EPS15: variants seen among roughly 807,000 people sequenced by gnomAD.
The protein encoded by EPS15 is epidermal growth factor receptor substrate 15.
In EPS15, 72 loss-of-function variants were observed where a neutral mutation model predicts 113.8. The observed-to-expected ratio is 0.63, with a 90% CI of 0.52 to 0.77. EPS15 has a LOEUF of 0.77. Among genes scored for constraint, EPS15 ranks in the 30% least tolerant of loss-of-function variants. EPS15 has a pLI of 0.00. For missense variants in EPS15, 1,048 were observed against 1,045.8 expected, an observed-to-expected ratio of 1.00 and a Z score of -0.03; for synonymous variants, 344 against 363.4, an observed-to-expected ratio of 0.95 and a Z score of 0.61.
chr1:51,431,457 T>C (rs1651731579), intron 12 of EPS15, among the ~76,000 whole-genome samples: 1 of 152,052 alleles, frequency 6.6e-6, no homozygotes, highest in African/African-American at 2.4e-5. Flanking sequence ...TTTTCTTTTT[T>C]TTTTTGGAGA....
intron 16 of EPS15, 152 bp downstream of exon 16, chr1:51,405,753 T>C: frequency 4.8e-6 from 3 of 626,250 alleles, no homozygotes; most frequent in Non-Finnish European, 8.2e-6. Context: ...AAACGTACAA[T>C]TGTTTGGATT....
chr1:51,429,642 G>GTTTTTTTT, intron 12 of EPS15, among the ~76,000 whole-genome samples: 1 of 121,336 alleles, frequency 8.2e-6, no homozygotes, highest in Non-Finnish European at 1.7e-5. Context: ...TGTTGTTGTT[G>GTTTTTTTT]GTTTTTTTTT....
chr1:51,410,491 G>A (rs546182896), intron 13 of EPS15, among the ~76,000 whole-genome samples: 2 of 152,016 alleles, frequency 1.3e-5, no homozygotes, highest in Non-Finnish European at 2.9e-5. Flanking sequence ...TCTCAGTGTA[G>A]GAAAAGATTT....
rs1570049279 is a variant in EPS15, at chr1:51,355,182, G to A, written c.*1518C>T. 1 of 218,654 alleles carries A rather than the reference G, an allele frequency of 4.6e-6. No individual in the cohort carries two copies. 13.5% of individuals were successfully genotyped at this position (218,654 alleles called of 1,614,324 possible). ...GGTTTAAAGTTTGTTTTAAACTGTA[G>A]GAGTCTAATTGTGTAATGGAAAGAA... On this transcript the variant is annotated 3_prime_UTR_variant, in exon 25 of 25. Transcript: ENST00000371733.
chr1:51,381,518 G>A (rs1056630842), intron 21 of EPS15, among the ~76,000 whole-genome samples: 3 of 152,210 alleles, frequency 2.0e-5, no homozygotes, highest in East Asian at 3.9e-4. Context: ...GCTTGAACCC[G>A]GGAGGCAGAG....
At chr1:51,501,467 GGGGTTTTTTGT>G (rs947894784) in intron 1 of EPS15, among the ~76,000 whole-genome samples, 17 of 151,862 alleles carry the variant, frequency 1.1e-4, no homozygotes, top group Admixed American at 3.3e-4. Flanking sequence ...AGTTTTTTGG[GGGGTTTTTTGT>G]GGGTTTTTTG....
chr1:51,508,342 A>AAGAGAAAGAG (rs1553139587), intron 1 of EPS15, among the ~76,000 whole-genome samples: 6 of 102,828 alleles, frequency 5.8e-5, no homozygotes, highest in Non-Finnish European at 1.2e-4. Flanking sequence ...GAAAGAGAGA[A>AAGAGAAAGAG]AGAAAGAAAG....
chr1:51,413,769 G>A (rs1016591217), intron 13 of EPS15, among the ~76,000 whole-genome samples: 15 of 151,836 alleles, frequency 9.9e-5, no homozygotes, highest in African/African-American at 1.2e-4. Flanking sequence ...ATTTTTTTAA[G>A]ACAGGATCTT....
At chr1:51,511,756 T>A (rs1644625474) in intron 1 of EPS15, among the ~76,000 whole-genome samples, 1 of 152,166 alleles carries the variant, frequency 6.6e-6, no homozygotes, top group South Asian at 2.1e-4. Context: ...AACTATAAAG[T>A]ACTGTAATAT....
chr1:51,401,177 CA>C, intron 18 of EPS15: 1 of 376,164 alleles, frequency 2.7e-6, no homozygotes, highest in Non-Finnish European at 4.8e-6. Context: ...GACATTACAG[CA>C]AAAATTTTAC....
intron 1 of EPS15, chr1:51,518,337 T>G (rs2148576392): frequency 6.5e-6 from 1 of 152,770 alleles, no homozygotes; most frequent in East Asian, 1.9e-4. Context: ...AGAACAGGTT[T>G]TGCTGAGGAT....
At chr1:51,494,971 C>T (rs996646501) in intron 1 of EPS15, among the ~76,000 whole-genome samples, 1 of 152,196 alleles carries the variant, frequency 6.6e-6, no homozygotes, top group Admixed American at 6.5e-5. Context: ...TTCTTTCTGG[C>T]AAACCTACTT....
chr1:51,410,804 T>C (rs1044609370), intron 13 of EPS15, among the ~76,000 whole-genome samples: 5 of 152,222 alleles, frequency 3.3e-5, no homozygotes, highest in Non-Finnish European at 5.9e-5. Context: ...AATTACTGCA[T>C]AGGTTACACA....
chr1:51,400,725 A>AG (rs1198077030), intron 19 of EPS15, among the ~76,000 whole-genome samples, 193 bp downstream of exon 19: 2 of 150,730 alleles, frequency 1.3e-5, no homozygotes, highest in East Asian at 3.9e-4. Flanking sequence ...AAAAAAAAAA[A>AG]AAAAAAAAAA....
At chr1:51,465,085 C>T (rs1301483416) in intron 6 of EPS15, among the ~76,000 whole-genome samples, 176 bp downstream of exon 6, 1 of 152,164 alleles carries the variant, frequency 6.6e-6, no homozygotes, top group Non-Finnish European at 1.5e-5. Flanking sequence ...CCGATACTGT[C>T]ACAAAACAAC....
In EPS15 at chr1:51,446,932, T is replaced by A. The variant is rs747145040; in HGVS notation, c.797+28A>T. ...TGGAATTGATACAAAACCATATTTT[T>A]AAAAAATCAATTCAAATAAAGTCTT... On this transcript the variant is annotated intron_variant, in intron 10 of 24. Transcript: ENST00000371733. 4.7e-5 allele frequency: 73 copies of A among 1,550,840 alleles called. No homozygotes were observed. In the African/African-American group the frequency reaches 8.4e-4, roughly 18 times the overall value.
chr1:51,370,706 C>T (rs796482722), intron 21 of EPS15, among the ~76,000 whole-genome samples: 83 of 151,712 alleles, frequency 5.5e-4, no homozygotes, highest in African/African-American at 1.9e-3. Context: ...CCGAAACCTC[C>T]GCCTCTTGGG....
chr1:51,370,624 GTT>G (rs58278423), intron 21 of EPS15, among the ~76,000 whole-genome samples: 3 of 142,180 alleles, frequency 2.1e-5, no homozygotes, highest in African/African-American at 2.6e-5. Flanking sequence ...TTGTTAGGCT[GTT>G]TTTTTTTTTT....
chr1:51,364,873 A>G (rs1056550147), intron 22 of EPS15, among the ~76,000 whole-genome samples: 7 of 151,932 alleles, frequency 4.6e-5, no homozygotes, highest in African/African-American at 1.5e-4. Context: ...TCTCACTCTA[A>G]GGTTGGAGTA....
Sources: allele counts gnomAD v4.1 joint callset (sites outside exome capture counted in the v4.1 genomes callset), GRCh38; gene constraint gnomAD v4.1.1; transcripts MANE v1.5; gene names NCBI Gene and HGNC (gene_info 2026-07-23, HGNC 2026-07-21).